The following ARPP21 variants were observed in gnomAD, a reference collection of about 807,000 sequenced individuals.
ARPP21 encodes the protein cAMP regulated phosphoprotein 21.
ARPP21 carries 69 observed loss-of-function variants against 113.2 expected under a neutral mutation model. That is an observed-to-expected ratio of 0.61 (90% confidence interval 0.50 to 0.74). The LOEUF (loss-of-function observed/expected upper bound fraction) is 0.74. Among genes scored for constraint, ARPP21 ranks in the 30% least tolerant of loss-of-function variants. ARPP21 has a pLI of 0.00. For missense variants in ARPP21, 1,070 were observed against 1,037.4 expected (o/e 1.03, Z -0.43); for synonymous variants, 368 against 375.5 (o/e 0.98, Z 0.23).
chr3:35,712,799 T>G (rs1056635145), intron 11 of ARPP21, among the ~76,000 whole-genome samples: 2 of 152,226 alleles, frequency 1.3e-5, no homozygotes, highest in African/African-American at 2.4e-5. Context: ...GTCAATATAT[T>G]TGAAATGTAA....
chr3:35,702,255 A>C (rs1003888322), intron 9 of ARPP21, among the ~76,000 whole-genome samples: 3 of 151,698 alleles, frequency 2.0e-5, no homozygotes, highest in Non-Finnish European at 3.0e-5. Flanking sequence ...TATTGGATAT[A>C]ATTTTATAGA....
chr3:35,737,276 C>A lies in ARPP21; in HGVS notation c.1558C>A (p.Gln520Lys). The A allele has an allele frequency of 6.2e-7, 1 of 1,612,054 alleles. No homozygotes were observed. Among genetic ancestry groups the A allele is most frequent in the South Asian group, 1.1e-5 (1 of 90,878 alleles). The change falls in exon 16 of 21, where the codon CAG (glutamine) becomes AAG (lysine). Residue 520 changes from glutamine to lysine, a missense_variant. Transcript: ENST00000684406. ...RSAMVGQSQQ[Q>K]PPQQQPSPQP... ...CGCCATGGTGGGGCAGTCCCAACAG[C>A]AGCCACCACAGCAGCAGCCCTCCCC...
chr3:35,723,869 A>C (rs2093327348), intron 14 of ARPP21, among the ~76,000 whole-genome samples: 1 of 152,234 alleles, frequency 6.6e-6, no homozygotes, highest in Admixed American at 6.5e-5. Context: ...GAAGGGAATA[A>C]AAACTTAAAG....
At chr3:35,677,808 C>G (rs2077897701) in intron 1 of ARPP21, among the ~76,000 whole-genome samples, 1 of 151,894 alleles carries the variant, frequency 6.6e-6, no homozygotes, top group Non-Finnish European at 1.5e-5. Flanking sequence ...AATGAAATGG[C>G]AGTGGAAGAG....
chr3:35,780,824 A>G (rs548203799), intron 19 of ARPP21, among the ~76,000 whole-genome samples: 2 of 152,208 alleles, frequency 1.3e-5, no homozygotes, highest in South Asian at 4.2e-4. Flanking sequence ...GAGGCAGGCT[A>G]AAGTTGAGAA....
At chr3:35,686,796 G>A (rs574757809) in intron 5 of ARPP21, among the ~76,000 whole-genome samples, 104 of 151,588 alleles carry the variant, frequency 6.9e-4, no homozygotes, top group South Asian at 1.5e-3. Flanking sequence ...CATAGCATAG[G>A]TTTTACATAA....
At chr3:35,770,792 G>A (rs947787736) in intron 19 of ARPP21, among the ~76,000 whole-genome samples, 10 of 152,162 alleles carry the variant, frequency 6.6e-5, no homozygotes, top group Admixed American at 1.3e-4. Flanking sequence ...AACAGTTTGT[G>A]TCATTTATGA....
chr3:35,663,413 T>G (rs1168834687), intron 1 of ARPP21, among the ~76,000 whole-genome samples: 1 of 152,216 alleles, frequency 6.6e-6, no homozygotes, highest in Non-Finnish European at 1.5e-5. Flanking sequence ...TGACAATGAT[T>G]TAATCCCCAG....
chr3:35,695,254 C>A (rs373116835), intron 9 of ARPP21, among the ~76,000 whole-genome samples: 7 of 151,532 alleles, frequency 4.6e-5, no homozygotes, highest in Non-Finnish European at 8.9e-5. Flanking sequence ...TACATTAATA[C>A]ATTCCAGGTT....
chr3:35,751,202 T>C (rs901662427), intron 19 of ARPP21, among the ~76,000 whole-genome samples: 4 of 152,210 alleles, frequency 2.6e-5, no homozygotes, highest in African/African-American at 9.6e-5. Context: ...ATATGGATTC[T>C]GAAACTGTAG....
chr3:35,769,699 A>G (rs1232976986), intron 19 of ARPP21, among the ~76,000 whole-genome samples: 1 of 152,176 alleles, frequency 6.6e-6, no homozygotes, highest in African/African-American at 2.4e-5. Flanking sequence ...CGCTAGGCTA[A>G]CACTATCTCT....
intron 14 of ARPP21, among the ~76,000 whole-genome samples, chr3:35,724,430 G>C (rs2150360687): frequency 6.6e-6 from 1 of 152,286 alleles, no homozygotes; most frequent in East Asian, 1.9e-4. Context: ...GATCTTCAAA[G>C]CAGGGTTTCT....
chr3:35,672,499 T>C (rs2076577064), intron 1 of ARPP21, among the ~76,000 whole-genome samples: 1 of 152,110 alleles, frequency 6.6e-6, no homozygotes, highest in African/African-American at 2.4e-5. Flanking sequence ...AGGTGGAGGA[T>C]GCAGAAACAC....
chr3:35,712,514 CTGTGTGTGTGTGTGTGTGTGTGTG>C (rs10579469), intron 11 of ARPP21, among the ~76,000 whole-genome samples: 1 of 132,844 alleles, frequency 7.5e-6, no homozygotes, highest in Non-Finnish European at 1.6e-5. Context: ...TCTAAGGTGT[CTGTGTGTGTGTGTGTGTGTGTGTG>C]TGTGTGTGTG....
chr3:35,683,094 G>T (rs1241831933), intron 4 of ARPP21, among the ~76,000 whole-genome samples: 1 of 151,576 alleles, frequency 6.6e-6, no homozygotes, highest in Non-Finnish European at 1.5e-5. Context: ...TTAGTTAGAG[G>T]ATTTAGTGTT....
chr3:35,665,625 C>A (rs1330658404), intron 1 of ARPP21, among the ~76,000 whole-genome samples: 1 of 152,118 alleles, frequency 6.6e-6, no homozygotes, highest in Non-Finnish European at 1.5e-5. Flanking sequence ...AGGATTTAGT[C>A]ATTTCCTATA....
intron 1 of ARPP21, among the ~76,000 whole-genome samples, chr3:35,654,788 A>G (rs1704033052): frequency 6.6e-6 from 1 of 152,146 alleles, no homozygotes; most frequent in Non-Finnish European, 1.5e-5. Context: ...CAGCCTTACC[A>G]TTAAATAAAA....
At chr3:35,703,901 G>T (rs2087567542) in intron 9 of ARPP21, among the ~76,000 whole-genome samples, 2 of 151,796 alleles carry the variant, frequency 1.3e-5, no homozygotes, top group South Asian at 4.1e-4. Flanking sequence ...AGGGAGTTGA[G>T]TTTTCAAAGC....
At chr3:35,783,351 C>T (rs1017900474) in intron 19 of ARPP21, among the ~76,000 whole-genome samples, 1 of 152,040 alleles carries the variant, frequency 6.6e-6, no homozygotes, top group Admixed American at 6.6e-5. Flanking sequence ...CTTGTTCTTT[C>T]TGTATTTATA....
Sources: gnomAD v4.1 joint callset for allele counts (sites outside exome capture counted in the v4.1 genomes callset) on GRCh38, gnomAD v4.1.1 for gene constraint, MANE v1.5 for transcripts, NCBI Gene and HGNC (gene_info 2026-07-23, HGNC 2026-07-21) for gene names.